The following KPNB1 variants were observed in gnomAD, a reference collection of about 807,000 sequenced individuals.
KPNB1 encodes the protein karyopherin subunit beta 1, also known as importin subunit beta-1.
A neutral mutation model predicts 113.0 loss-of-function variants in KPNB1; 7 were observed. The ratio of observed to expected loss-of-function variants is 0.06; its 90% CI spans 0.04 to 0.12. The LOEUF (loss-of-function observed/expected upper bound fraction) is 0.12. KPNB1 is among the 10% of genes least tolerant of loss of function. The pLI, the probability that KPNB1 is intolerant of heterozygous loss-of-function variation, is 1.00. For missense variants in KPNB1, 400 were observed against 1,054.8 expected, an observed-to-expected ratio of 0.38 and a Z score of 8.60; for synonymous variants, 363 against 378.6, an observed-to-expected ratio of 0.96 and a Z score of 0.48.
chr17:47,657,329 T>G (rs2143101458), intron 4 of KPNB1, among the ~76,000 whole-genome samples: 1 of 152,366 alleles, frequency 6.6e-6, no homozygotes. Flanking sequence ...GAGGATATTC[T>G]CATTTGGATT....
At chr17:47,674,433 G>A (rs1176077316) in intron 14 of KPNB1, among the ~76,000 whole-genome samples, 1 of 152,176 alleles carries the variant, frequency 6.6e-6, no homozygotes, top group African/African-American at 2.4e-5. Flanking sequence ...ATCAGCTCAC[G>A]TTTGTTCTGA....
chr17:47,661,049 G>A (rs2030077864), intron 5 of KPNB1, 70 bp from the exon 6 acceptor site: 7 of 1,241,444 alleles, frequency 5.6e-6, no homozygotes, highest in African/African-American at 1.5e-5. Flanking sequence ...TCCTTGTAGA[G>A]GGAGTCTGGA....
chr17:47,666,425 T>A (rs941893941), intron 9 of KPNB1, among the ~76,000 whole-genome samples: 1 of 144,220 alleles, frequency 6.9e-6, no homozygotes. Context: ...TGTGTGTATT[T>A]TATATATATA....
At position 47,661,167 on chromosome 17, in the gene KPNB1, C is replaced by A; in HGVS notation, c.685C>A (p.Pro229Thr). 6.2e-7 allele frequency: 1 copy of A among 1,612,130 alleles called. No individual in the cohort carries two copies. Among genetic ancestry groups the A allele is most frequent in the Non-Finnish European group, 8.5e-7 (1 of 1,178,200 alleles). Reference protein sequence around the residue: ...MQVVCEATQCPDTRVRVAALQ... With the variant: ...MQVVCEATQCTDTRVRVAALQ... ...GGTGGTCTGTGAAGCCACACAGTGTCCAGATACGAGGGTAAGTGTGAGGTT... is the reference window on the plus strand; with the variant it reads ...GGTGGTCTGTGAAGCCACACAGTGTACAGATACGAGGGTAAGTGTGAGGTT... Residue 229 changes from proline to threonine, a missense_variant, in exon 6 of 22, where the codon CCA becomes ACA. This residue lies in a region of KPNB1 where 285 missense variants were observed against 627.0 expected (regional missense o/e 0.45). Transcript: ENST00000290158.
At chr17:47,678,478 T>TG in intron 19 of KPNB1, 65 bp downstream of exon 19, 1 of 1,094,590 alleles carries the variant, frequency 9.1e-7, no homozygotes, top group Non-Finnish European at 1.4e-6. Context: ...GTGGGCTATG[T>TG]CTGTCATTCT....
chr17:47,668,126 C>G, intron 9 of KPNB1, 60 bp from the exon 10 acceptor site: 2 of 1,378,536 alleles, frequency 1.5e-6, no homozygotes, highest in Non-Finnish European at 2.1e-6. Flanking sequence ...GTCAGAGGAC[C>G]TTTAGAGTTA....
intron 6 of KPNB1, among the ~76,000 whole-genome samples, 159 bp downstream of exon 6, chr17:47,661,337 C>T (rs536777392): frequency 2.0e-5 from 3 of 152,264 alleles, no homozygotes; most frequent in African/African-American, 7.2e-5. Flanking sequence ...TGGTGGCTCA[C>T]ACCTGTAATC....
Position 47,662,658 on chromosome 17 carries a change from G to T in KPNB1, c.697-431G>T, listed in dbSNP as rs115892477. ...GCACTTTAGGTGGCCGAGGTGAGTG[G>T]ATTGTCTGAGCTCAGGAGTTCGAGA... On this transcript the variant is annotated intron_variant, in intron 6 of 21. Transcript: ENST00000290158. 2.5e-3 allele frequency among the ~76,000 whole-genome samples: 386 copies of T among 151,858 alleles called. 1 individual carries two copies. Among genetic ancestry groups the T allele is most frequent in the African/African-American group, 9.0e-3 (375 of 41,442 alleles).
chr17:47,652,600 GC>G, intron 2 of KPNB1, 93 bp from the exon 3 acceptor site: 2 of 959,290 alleles, frequency 2.1e-6, no homozygotes, highest in Non-Finnish European at 2.9e-6. Context: ...TCCCCCCCTC[GC>G]CGCCCCTCTG....
At chr17:47,662,523 C>T (rs1386517780) in intron 6 of KPNB1, among the ~76,000 whole-genome samples, 1 of 150,482 alleles carries the variant, frequency 6.6e-6, no homozygotes, top group African/African-American at 2.4e-5. Flanking sequence ...TGCAGTGAGC[C>T]GTGATCATGG....
chr17:47,678,782 A>G (rs2030687846), intron 19 of KPNB1: 1 of 185,490 alleles, frequency 5.4e-6, no homozygotes, highest in Non-Finnish European at 1.1e-5. Context: ...TAATTTTTAT[A>G]TTTTTAGTAG....
At chr17:47,672,980 C>A (rs769906703) in intron 12 of KPNB1, 38 bp from the exon 13 acceptor site, 8 of 1,587,478 alleles carry the variant, frequency 5.0e-6, no homozygotes, top group Non-Finnish European at 6.9e-6. Context: ...CTGTCCTTTT[C>A]ATTTGAGGCT....
chr17:47,652,964 T>G, intron 3 of KPNB1, 88 bp downstream of exon 3: 3 of 977,524 alleles, frequency 3.1e-6, no homozygotes, highest in Non-Finnish European at 4.4e-6. Context: ...GGGATAGAGC[T>G]AACAGTGTGA....
At position 47,661,105 on chromosome 17, in the gene KPNB1, T is replaced by C. The variant is rs184254873; in HGVS notation, c.637-14T>C. On this transcript the variant is annotated splice_polypyrimidine_tract_variant and intron_variant, in intron 5 of 21. Coordinates refer to ENST00000290158, the MANE Select transcript of KPNB1 (RefSeq NM_002265.6). ...ATGCTCTCCTAATTCTCTTTATTTTTATTCCTCCTACAGTCTGAAAGGCAC... is the reference window on the plus strand; with the variant it reads ...ATGCTCTCCTAATTCTCTTTATTTTCATTCCTCCTACAGTCTGAAAGGCAC... 16 of 1,604,360 alleles carry C rather than the reference T, an allele frequency of 1.0e-5. No homozygotes were observed. The highest frequency in any genetic ancestry group is 1.4e-5 in the Non-Finnish European group (16 of 1,171,114).
At chr17:47,660,165 A>G (rs557157904) in intron 5 of KPNB1, among the ~76,000 whole-genome samples, 13 of 152,198 alleles carry the variant, frequency 8.5e-5, no homozygotes, top group Non-Finnish European at 1.6e-4. Flanking sequence ...TTCAGTTTCT[A>G]TGTATTTTAC....
At chr17:47,670,214 G>GAA in intron 11 of KPNB1, 1 of 272,514 alleles carries the variant, frequency 3.7e-6, no homozygotes, top group Non-Finnish European at 7.2e-6. Context: ...GGGCAAGAGG[G>GAA]AAGGAAGGTA....
chr17:47,655,505 A>G (rs1045920811), intron 3 of KPNB1, among the ~76,000 whole-genome samples: 1 of 152,218 alleles, frequency 6.6e-6, no homozygotes, highest in African/African-American at 2.4e-5. Context: ...GTATTTAGTG[A>G]TGTTGTTACT....
chr17:47,655,153 C>T (rs1412097430), intron 3 of KPNB1, among the ~76,000 whole-genome samples: 11 of 152,218 alleles, frequency 7.2e-5, no homozygotes, highest in Admixed American at 6.5e-4. Context: ...CGTGTTCATG[C>T]CAGAACAGTT....
intron 5 of KPNB1, 36 bp from the exon 6 acceptor site, chr17:47,661,083 C>G (rs1347380893): frequency 1.3e-6 from 2 of 1,534,330 alleles, no homozygotes; most frequent in African/African-American, 2.7e-5. Flanking sequence ...ACAGGTTATG[C>G]TCTCCTAATT....
Sources: allele counts gnomAD v4.1 joint callset (sites outside exome capture counted in the v4.1 genomes callset), GRCh38; gene constraint gnomAD v4.1.1; regional missense constraint gnomAD v4.1.1; transcripts MANE v1.5; gene names NCBI Gene and HGNC (gene_info 2026-07-23, HGNC 2026-07-21).